Variants in DDX1 observed in about 807,000 individuals in gnomAD.
The protein encoded by DDX1 is ATP-dependent RNA helicase DDX1.
DDX1 carries 28 observed loss-of-function variants against 108.7 expected under a neutral mutation model. That is an observed-to-expected ratio of 0.26 (90% CI 0.19 to 0.35). The LOEUF (loss-of-function observed/expected upper bound fraction) is 0.35. Among genes scored for constraint, DDX1 ranks in the 10% least tolerant of loss-of-function variants. The pLI is 1.00. For synonymous variants in DDX1, 295 were observed against 288.9 expected (o/e 1.02, Z -0.21); for missense variants, 710 against 884.5 (o/e 0.80, Z 2.50).
chr2:15,592,570 ATATT>A (rs1235755967), intron 1 of DDX1, among the ~76,000 whole-genome samples: 1 of 152,196 alleles, frequency 6.6e-6, no homozygotes, highest in African/African-American at 2.4e-5. Context: ...TGGAAAATTC[ATATT>A]TATTTGCCGT....
chr2:15,603,326 C>A, intron 8 of DDX1, 51 bp downstream of exon 8: 1 of 1,233,870 alleles, frequency 8.1e-7, no homozygotes, highest in Non-Finnish European at 1.2e-6. Context: ...TGGGGGATAA[C>A]ATTTTATTAT....
chr2:15,618,750 A>G (rs1345873351), intron 16 of DDX1, among the ~76,000 whole-genome samples: 1 of 152,230 alleles, frequency 6.6e-6, no homozygotes, highest in Non-Finnish European at 1.5e-5. Flanking sequence ...GGACACGTGC[A>G]GGCCAGCACT....
intron 13 of DDX1, among the ~76,000 whole-genome samples, chr2:15,610,862 GT>G (rs35794915): frequency 0.43 from 64,904 of 149,684 alleles, 14,225 homozygotes; most frequent in East Asian, 0.68. Flanking sequence ...CCCCAGACTT[GT>G]TTTTTTTTTT....
chr2:15,629,577 A>C (rs758513506), intron 23 of DDX1, 25 bp from the exon 24 acceptor site: 1 of 1,518,608 alleles, frequency 6.6e-7, no homozygotes, highest in Non-Finnish European at 9.0e-7. Context: ...CATGCATGTT[A>C]ATATTTTTTC....
At chr2:15,630,486 C>A (rs1423353120) in intron 25 of DDX1, among the ~76,000 whole-genome samples, 1 of 152,154 alleles carries the variant, frequency 6.6e-6, no homozygotes, top group African/African-American at 2.4e-5. Context: ...CTGGGATGCC[C>A]TTTTGTTAGC....
Position 15,617,384 on chromosome 2 carries a change from T to C in DDX1, c.1116+42T>C, listed in dbSNP as rs200654553. 4.8e-4 allele frequency: 590 copies of C among 1,225,666 alleles called. 1 individual carries two copies. Among genetic ancestry groups the C allele is most frequent in the Non-Finnish European group, 6.3e-4 (548 of 864,156 alleles). The allele number at this position is 1,225,666 out of a possible 1,614,324, so 75.9% of individuals were successfully genotyped here. A position where few individuals can be genotyped will look rare whatever the true frequency, so the allele number is the denominator to read the frequency against. ...TCATACTTTTTAAAAAGTTTACTTATATTTTTTGAGATAAAATATATAAAA... is the reference window on the plus strand; with the variant it reads ...TCATACTTTTTAAAAAGTTTACTTACATTTTTTGAGATAAAATATATAAAA... On this transcript the variant is annotated intron_variant, in intron 15 of 25. Transcript: ENST00000233084.
At chr2:15,593,132 G>A (rs1030855012) in intron 1 of DDX1, among the ~76,000 whole-genome samples, 4 of 152,108 alleles carry the variant, frequency 2.6e-5, no homozygotes, top group Non-Finnish European at 4.4e-5. Flanking sequence ...ATGTTGGCCA[G>A]GCTGGTCTCG....
chr2:15,617,074 G>T (rs1047959473), intron 14 of DDX1, among the ~76,000 whole-genome samples, 170 bp from the exon 15 acceptor site: 1 of 150,320 alleles, frequency 6.7e-6, no homozygotes, highest in African/African-American at 2.5e-5. Flanking sequence ...CCAAGTATCA[G>T]TTGAACATAT....
At chr2:15,607,952 T>A (rs1665691173) in intron 13 of DDX1, among the ~76,000 whole-genome samples, 1 of 152,186 alleles carries the variant, frequency 6.6e-6, no homozygotes, top group South Asian at 2.1e-4. Context: ...AGCATGTTAG[T>A]AAACTTGGCG....
Position 15,617,258 on chromosome 2 carries a change from A to T in DDX1, c.1032A>T (p.Val344=), listed in dbSNP as rs959433176. 10 of 1,584,024 alleles carry T rather than the reference A, an allele frequency of 6.3e-6. No individual in the cohort carries two copies. Among genetic ancestry groups the T allele is most frequent in the African/African-American group, 1.3e-5 (1 of 74,208 alleles). Residue 344 remains valine, a synonymous_variant, in exon 15 of 26, where the codon GTA becomes GTT. Coordinates refer to ENST00000233084, the MANE Select transcript of DDX1 (RefSeq NM_004939.3). Reference sequence around the variant, plus strand: ...CTTTTTTTCAGGTAGATATAGTTGTAGGTACTCCGGGAAGACTAGATGACT... The same window carrying T: ...CTTTTTTTCAGGTAGATATAGTTGTTGGTACTCCGGGAAGACTAGATGACT... ...SVLENGVDIV[V]GTPGRLDDLV...
Position 15,629,698 on chromosome 2 carries a change from G to A in DDX1, c.1971+1G>A. On this transcript the variant is annotated splice_donor_variant, in intron 24 of 25. Coordinates refer to ENST00000233084, the MANE Select transcript of DDX1 (RefSeq NM_004939.3). LOFTEE classifies it high-confidence loss of function. ...TACCATATGGTACAACGAGATGCAG[G>A]TAAGACTTCGAGTTAGGCTCACAAA... The A allele has an allele frequency of 6.4e-7, 1 of 1,554,834 alleles. No individual in the cohort carries two copies. Among genetic ancestry groups the A allele is most frequent in the Non-Finnish European group, 8.6e-7 (1 of 1,158,844 alleles).
chr2:15,605,874 G>A, intron 10 of DDX1, 76 bp from the exon 11 acceptor site: 2 of 995,130 alleles, frequency 2.0e-6, no homozygotes, highest in Non-Finnish European at 3.0e-6. Context: ...CAGGTAAGCT[G>A]GTAGATTTGA....
In DDX1 at chr2:15,625,612, G is replaced by A. The variant is rs1573051671; in HGVS notation, c.1595-1442G>A. ...CAAGTATAATAAAATGTTAATTGTT[G>A]AATCTAGGTGGTGGATATACAACTG... On this transcript the variant is annotated intron_variant, in intron 19 of 25. Coordinates refer to ENST00000233084, the MANE Select transcript of DDX1 (RefSeq NM_004939.3). Among the ~76,000 whole-genome samples the A allele has an allele frequency of 5.3e-5, 8 of 152,206 alleles. No individual in the cohort carries two copies. In the South Asian group the frequency reaches 1.7e-3, roughly 32 times the overall value.
intron 13 of DDX1, among the ~76,000 whole-genome samples, chr2:15,608,144 T>TA (rs1665695020): frequency 6.6e-6 from 1 of 152,216 alleles, no homozygotes; most frequent in Non-Finnish European, 1.5e-5. Flanking sequence ...TACACTCTGT[T>TA]AGTCAATTTG....
chr2:15,621,658 T>TG lies in DDX1; in HGVS notation c.1447+542_1447+543insG, dbSNP rs1256308977. On this transcript the variant is annotated intron_variant, in intron 18 of 25. Transcript: ENST00000233084. ...CCTGGCATCTAAATCACTTTTTTTT[T>TG]TTTTGTTTTTTTGAGACACGGTCTC... Among the ~76,000 whole-genome samples, 17 of 152,046 alleles carry TG rather than the reference T, an allele frequency of 1.1e-4. No individual in the cohort carries two copies. In the East Asian group the frequency reaches 3.1e-3, roughly 28 times the overall value.
At chr2:15,610,006 C>T (rs527793088) in intron 13 of DDX1, among the ~76,000 whole-genome samples, 1 of 152,168 alleles carries the variant, frequency 6.6e-6, no homozygotes, top group Non-Finnish European at 1.5e-5. Context: ...TGCCTCATAG[C>T]TCACTGCAGT....
chr2:15,599,831 G>A, intron 6 of DDX1, 115 bp downstream of exon 6: 1 of 734,858 alleles, frequency 1.4e-6, no homozygotes, highest in South Asian at 1.9e-5. Context: ...TTAGAATTTA[G>A]TCACTATCAT....
chr2:15,603,915 A>G lies in DDX1; in HGVS notation c.552+25A>G, dbSNP rs760968716. The G allele has an allele frequency of 2.5e-5, 37 of 1,481,262 alleles. No homozygotes were observed. In the African/African-American group the frequency reaches 4.9e-4, roughly 19 times the overall value. 91.8% of individuals were successfully genotyped at this position (1,481,262 alleles called of 1,614,324 possible). ...GGTAAGCGATTATGTTATGACTTCA[A>G]CATAGCATAAGTAAGTTTTCTTGCA... On this transcript the variant is annotated intron_variant, in intron 9 of 25. Coordinates refer to ENST00000233084, the MANE Select transcript of DDX1 (RefSeq NM_004939.3).
chr2:15,592,174 C>T (rs895871036), intron 1 of DDX1, among the ~76,000 whole-genome samples: 1 of 152,238 alleles, frequency 6.6e-6, no homozygotes, highest in Non-Finnish European at 1.5e-5. Context: ...GTCCCTCCCC[C>T]TGCCCTTTCC....
Sources: allele counts gnomAD v4.1 joint callset (sites outside exome capture counted in the v4.1 genomes callset), GRCh38; gene constraint gnomAD v4.1.1; transcripts MANE v1.5; gene names NCBI Gene and HGNC (gene_info 2026-07-23, HGNC 2026-07-21).